Variants in TRIM71 observed in about 807,000 individuals in gnomAD.
The protein encoded by TRIM71 is tripartite motif containing 71.
A neutral mutation model predicts 61.2 loss-of-function variants in TRIM71; 9 were observed. That is an observed-to-expected ratio of 0.15 (90% CI 0.09 to 0.26). TRIM71 has a LOEUF of 0.26. Among genes scored for constraint, TRIM71 ranks in the 10% least tolerant of loss-of-function variants. The pLI is 1.00. For synonymous variants in TRIM71, 645 were observed against 553.2 expected (o/e 1.17, Z -2.33); for missense variants, 998 against 1,238.7 (o/e 0.81, Z 2.92).
chr3:32,834,445 G>A (rs1696309054), intron 1 of TRIM71, among the ~76,000 whole-genome samples: 1 of 152,144 alleles, frequency 6.6e-6, no homozygotes, highest in East Asian at 1.9e-4. Flanking sequence ...AGTAGATTTT[G>A]TGTTAATTAC....
chr3:32,821,695 G>C lies in TRIM71; in HGVS notation c.852+2763G>C, dbSNP rs534647930. Reference sequence around the variant, plus strand: ...GGCCTGCAGGCTCCGTGGCCCAGCCGGCATCCGGGCGGGGAATCCAAGGCG... The same window carrying C: ...GGCCTGCAGGCTCCGTGGCCCAGCCCGCATCCGGGCGGGGAATCCAAGGCG... On this transcript the variant is annotated intron_variant, in intron 1 of 3. Coordinates refer to ENST00000383763, the MANE Select transcript of TRIM71 (RefSeq NM_001039111.3). Among the ~76,000 whole-genome samples the C allele has an allele frequency of 4.6e-5, 7 of 152,206 alleles. No individual in the cohort carries two copies. In the South Asian group the frequency reaches 1.5e-3, roughly 32 times the overall value.
intron 1 of TRIM71, among the ~76,000 whole-genome samples, chr3:32,822,113 C>T (rs1575338722): frequency 6.6e-6 from 1 of 152,128 alleles, no homozygotes; most frequent in Non-Finnish European, 1.5e-5. Context: ...TGTTGTGTGC[C>T]TAAGCTGGGC....
chr3:32,867,023 GT>G (rs755704427), intron 1 of TRIM71, among the ~76,000 whole-genome samples: 3 of 152,192 alleles, frequency 2.0e-5, no homozygotes, highest in Non-Finnish European at 2.9e-5. Context: ...GTTGCGATGA[GT>G]TCAGATGCAG....
At position 32,873,807 on chromosome 3, in the gene TRIM71, C is replaced by T. The variant is rs1294522074; in HGVS notation, c.853-11C>T. 6.4e-7 allele frequency: 1 copy of T among 1,553,256 alleles called. No individual in the cohort carries two copies. Among genetic ancestry groups the T allele is most frequent in the East Asian group, 2.3e-5 (1 of 43,816 alleles). ...ATCTCCATTTATGCCTGTACCCTCTCTTGTCCCCAGGTGCTGCACCTGTAC... is the reference window on the plus strand; with the variant it reads ...ATCTCCATTTATGCCTGTACCCTCTTTTGTCCCCAGGTGCTGCACCTGTAC... On this transcript the variant is annotated splice_polypyrimidine_tract_variant and intron_variant, in intron 1 of 3. Transcript: ENST00000383763.
chr3:32,877,990 A>G (rs1575357782), intron 2 of TRIM71, among the ~76,000 whole-genome samples: 1 of 152,216 alleles, frequency 6.6e-6, no homozygotes, highest in African/African-American at 2.4e-5. Flanking sequence ...AGTACCACAC[A>G]TGTTCTTAAT....
rs894378706 is a variant in TRIM71, at chr3:32,894,773, G to T, written c.*2962G>T. 6.6e-6 allele frequency: 1 copy of T among 152,214 alleles called. No homozygotes were observed. The highest frequency in any genetic ancestry group is 2.1e-4 in the South Asian group (1 of 4,832). The allele number at this position is 152,214 out of a possible 1,614,324, so 9.4% of individuals were successfully genotyped here. A position where few individuals can be genotyped will look rare whatever the true frequency, so the allele number is the denominator to read the frequency against. On this transcript the variant is annotated 3_prime_UTR_variant, in exon 4 of 4. Transcript: ENST00000383763. Reference sequence around the variant, plus strand: ...AAGCCAACATTTGGCAGTCCCTAGTGTGAAACTGTGAAAAGTACCTGTGTT... The same window carrying T: ...AAGCCAACATTTGGCAGTCCCTAGTTTGAAACTGTGAAAAGTACCTGTGTT...
intron 1 of TRIM71, among the ~76,000 whole-genome samples, chr3:32,845,687 A>G (rs975063745): frequency 1.3e-5 from 2 of 151,214 alleles, no homozygotes; most frequent in Non-Finnish European, 2.9e-5. Flanking sequence ...TACTGGGTCA[A>G]ATTGCCATGC....
chr3:32,847,358 C>T (rs1252067198), intron 1 of TRIM71, among the ~76,000 whole-genome samples: 1 of 151,984 alleles, frequency 6.6e-6, no homozygotes, highest in African/African-American at 2.4e-5. Context: ...CACCATGTCC[C>T]GCTAATTTTG....
chr3:32,823,847 G>A (rs1478896427), intron 1 of TRIM71, among the ~76,000 whole-genome samples: 1 of 152,056 alleles, frequency 6.6e-6, no homozygotes, highest in Non-Finnish European at 1.5e-5. Context: ...GCCGAGGCGG[G>A]CGGATCACGA....
chr3:32,874,029 C>T (rs773692621), intron 2 of TRIM71, 44 bp downstream of exon 2: 3 of 1,546,336 alleles, frequency 1.9e-6, no homozygotes, highest in Admixed American at 1.8e-5. Context: ...TGAATCGAGC[C>T]CCCCTTTCTG....
At chr3:32,827,554 C>T (rs1201063569) in intron 1 of TRIM71, among the ~76,000 whole-genome samples, 1 of 152,074 alleles carries the variant, frequency 6.6e-6, no homozygotes, top group African/African-American at 2.4e-5. Flanking sequence ...AGCCACCGCG[C>T]CTTGCAAGGG....
At chr3:32,870,563 G>A (rs1005065683) in intron 1 of TRIM71, among the ~76,000 whole-genome samples, 5 of 151,934 alleles carry the variant, frequency 3.3e-5, no homozygotes, top group African/African-American at 1.2e-4. Flanking sequence ...CTCTGGTGTC[G>A]GCTCAGGGCA....
Position 32,891,493 on chromosome 3 carries a change from C to A in TRIM71, c.2289C>A (p.Val763=). ...TCAACCATGAGGGCCACTTGGTGGT[C>A]ACTGACTTCAACAACCACCGGCTCC... The part of the protein sequence containing the change: ...VAFNHEGHLV[V]TDFNNHRLLV... Residue 763 remains valine, a synonymous_variant, in exon 4 of 4, where the codon GTC becomes GTA. Coordinates refer to ENST00000383763, the MANE Select transcript of TRIM71 (RefSeq NM_001039111.3). This position sits in a 1 kb window ranked among gnomAD's most constrained non-coding sequence, Gnocchi z 8.2. 1 of 1,613,466 alleles carries A rather than the reference C, an allele frequency of 6.2e-7. No homozygotes were observed. The highest frequency in any genetic ancestry group is 8.5e-7 in the Non-Finnish European group (1 of 1,179,710).
chr3:32,897,535 T>C lies in TRIM71; in HGVS notation c.*5724T>C, dbSNP rs1272514064. 1.3e-5 allele frequency: 2 copies of C among 152,172 alleles called. No homozygotes were observed. Among genetic ancestry groups the C allele is most frequent in the Non-Finnish European group, 2.9e-5 (2 of 68,028 alleles). The allele number at this position is 152,172 out of a possible 1,614,324, so 9.4% of individuals were successfully genotyped here. On this transcript the variant is annotated 3_prime_UTR_variant, in exon 4 of 4. Transcript: ENST00000383763. ...TTGGGTTTTTTTCCCCCCTCCTCTT[T>C]TGGCTTTCACATTTTAAATCTTAAA...
intron 1 of TRIM71, among the ~76,000 whole-genome samples, chr3:32,852,503 GTCT>G (rs1696549389): frequency 6.6e-6 from 1 of 152,158 alleles, no homozygotes; most frequent in Non-Finnish European, 1.5e-5. Flanking sequence ...TGCCAGAGAG[GTCT>G]TCTTGTGCTA....
intron 1 of TRIM71, among the ~76,000 whole-genome samples, chr3:32,836,649 T>A (rs1013388824): frequency 5.3e-5 from 8 of 152,256 alleles, no homozygotes; most frequent in Non-Finnish European, 1.0e-4. Flanking sequence ...AGCCTAATGT[T>A]CTGTCTGTTA....
At position 32,895,007 on chromosome 3, in the gene TRIM71, C is replaced by G. The variant is rs1697063984; in HGVS notation, c.*3196C>G. The G allele has an allele frequency of 6.6e-6, 1 of 152,184 alleles. No individual in the cohort carries two copies. The highest frequency in any genetic ancestry group is 6.5e-5 in the Admixed American group (1 of 15,274). 9.4% of individuals were successfully genotyped at this position (152,184 alleles called of 1,614,324 possible). A position where few individuals can be genotyped will look rare whatever the true frequency, so the allele number is the denominator to read the frequency against. On this transcript the variant is annotated 3_prime_UTR_variant, in exon 4 of 4. Transcript: ENST00000383763. ...AGGGTTGGGTGGGGTATGATGTAAGCTCAGTTTATGTGTGGAGATGCCCAT... is the reference window on the plus strand; with the variant it reads ...AGGGTTGGGTGGGGTATGATGTAAGGTCAGTTTATGTGTGGAGATGCCCAT...
At chr3:32,834,511 G>A (rs989613586) in intron 1 of TRIM71, among the ~76,000 whole-genome samples, 14 of 152,116 alleles carry the variant, frequency 9.2e-5, no homozygotes, top group Admixed American at 2.6e-4. Context: ...ATATACCAGG[G>A]CTTCCTAGAT....
At chr3:32,839,047 C>T (rs1238456405) in intron 1 of TRIM71, among the ~76,000 whole-genome samples, 2 of 151,922 alleles carry the variant, frequency 1.3e-5, no homozygotes, top group African/African-American at 2.4e-5. Context: ...TTGATCTGTC[C>T]GCCTTGGCCT....
Sources: allele counts gnomAD v4.1 joint callset (sites outside exome capture counted in the v4.1 genomes callset), GRCh38; gene constraint gnomAD v4.1.1; non-coding constraint Gnocchi (gnomAD v3.1); transcripts MANE v1.5; gene names NCBI Gene and HGNC (gene_info 2026-07-23, HGNC 2026-07-21).